WDFY3: variants seen among roughly 807,000 people sequenced by gnomAD.
WDFY3 encodes WD repeat and FYVE domain containing 3.
A neutral mutation model predicts 409.6 loss-of-function variants in WDFY3; 66 were observed. The ratio of observed to expected loss-of-function variants is 0.16; its 90% confidence interval spans 0.13 to 0.20. The LOEUF is 0.20. Among genes scored for constraint, WDFY3 ranks in the 10% least tolerant of loss-of-function variants. The probability of loss-of-function intolerance (pLI) is 1.00; values close to 1 mark genes in which losing one functional copy is unlikely to be tolerated. For missense variants in WDFY3, 3,031 were observed against 4,298.1 expected (o/e 0.71, Z 8.24); for synonymous variants, 1,521 against 1,537.1 (o/e 0.99, Z 0.25).
At chr4:84,765,002 T>C (rs1743379760) in intron 32 of WDFY3, among the ~76,000 whole-genome samples, 1 of 152,240 alleles carries the variant, frequency 6.6e-6, no homozygotes, top group African/African-American at 2.4e-5. Context: ...TCCCTATTTT[T>C]CCCATCGGAC....
chr4:84,865,692 T>G (rs1407042846), intron 3 of WDFY3, among the ~76,000 whole-genome samples: 3 of 152,192 alleles, frequency 2.0e-5, no homozygotes, highest in Non-Finnish European at 2.9e-5. Flanking sequence ...GAGCCGAGTC[T>G]CTCCCTTTCA....
chr4:84,901,637 G>A (rs1429887704), intron 2 of WDFY3, among the ~76,000 whole-genome samples: 3 of 152,150 alleles, frequency 2.0e-5, no homozygotes, highest in African/African-American at 4.8e-5. Flanking sequence ...GCATATTGGA[G>A]GGGACAATAT....
Position 84,721,559 on chromosome 4 carries a change from A to G in WDFY3, c.7455T>C (p.Pro2485=), listed in dbSNP as rs776483924. 1.2e-6 allele frequency: 2 copies of G among 1,605,610 alleles called. No homozygotes were observed. Among genetic ancestry groups the G allele is most frequent in the Non-Finnish European group, 8.5e-7 (1 of 1,179,958 alleles). The change falls in exon 47 of 68, where the codon CCT becomes CCC. Residue 2485 remains proline (P), a synonymous_variant. Transcript: ENST00000295888. The stretch of plus-strand genomic sequence containing the variant: ...GTGCAGATCGGGAGCGTTTTAGAGG[A>G]GGCTTGACCAAACCTACAGTATAAT... ...TIAKVKGLVK[P]PLKRSRSAPD...
chr4:84,726,435 AAAT>A (rs1253735013), intron 45 of WDFY3, among the ~76,000 whole-genome samples: 1 of 152,154 alleles, frequency 6.6e-6, no homozygotes, highest in Admixed American at 6.5e-5. Context: ...TGATTGAAAA[AAAT>A]AATTTTAAAA....
At chr4:84,820,702 T>C (rs112038207) in intron 11 of WDFY3, among the ~76,000 whole-genome samples, 1 of 152,096 alleles carries the variant, frequency 6.6e-6, no homozygotes, top group African/African-American at 2.4e-5. Context: ...TAAAAACACA[T>C]TGAAGTAACT....
intron 13 of WDFY3, among the ~76,000 whole-genome samples, chr4:84,811,299 G>C (rs978623584): frequency 5.3e-5 from 8 of 152,098 alleles, no homozygotes; most frequent in Admixed American, 1.3e-4. Context: ...GCCCTGGCCA[G>C]CTTATGATTT....
At chr4:84,840,915 T>C (rs1757257856) in intron 6 of WDFY3, among the ~76,000 whole-genome samples, 1 of 151,986 alleles carries the variant, frequency 6.6e-6, no homozygotes, top group Admixed American at 6.6e-5. Context: ...TTACAACATA[T>C]CGAGATGGAA....
intron 6 of WDFY3, among the ~76,000 whole-genome samples, chr4:84,840,274 G>T (rs1757142138): frequency 6.6e-6 from 1 of 152,282 alleles, no homozygotes; most frequent in African/African-American, 2.4e-5. Context: ...AATTACAGCT[G>T]ATTTGGAGGA....
chr4:84,889,163 C>A (rs143122076), intron 3 of WDFY3, among the ~76,000 whole-genome samples: 1 of 152,210 alleles, frequency 6.6e-6, no homozygotes, highest in East Asian at 1.9e-4. Flanking sequence ...ACTTTAAAAG[C>A]AATGTCTCTA....
At chr4:84,688,037 G>T in intron 62 of WDFY3, 49 bp downstream of exon 62, 1 of 1,570,000 alleles carries the variant, frequency 6.4e-7, no homozygotes. Flanking sequence ...ATTGAGTTTG[G>T]CCAAGACTAC....
intron 65 of WDFY3, among the ~76,000 whole-genome samples, chr4:84,678,524 T>C (rs187954862): frequency 5.3e-5 from 8 of 152,318 alleles, no homozygotes; most frequent in Non-Finnish European, 1.0e-4. Flanking sequence ...AAATTTTCAA[T>C]GCAAGCAGAT....
At chr4:84,870,514 C>T (rs1321033106) in intron 3 of WDFY3, among the ~76,000 whole-genome samples, 1 of 152,252 alleles carries the variant, frequency 6.6e-6, no homozygotes, top group East Asian at 1.9e-4. Flanking sequence ...TCCAGGGTTG[C>T]AATCACACTA....
chr4:84,823,831 A>C (rs911591176), intron 10 of WDFY3, among the ~76,000 whole-genome samples: 1 of 152,214 alleles, frequency 6.6e-6, no homozygotes, highest in African/African-American at 2.4e-5. Context: ...TGAATGCAAA[A>C]ATTGGACAGC....
intron 4 of WDFY3, among the ~76,000 whole-genome samples, chr4:84,857,186 CTT>C (rs1223486620): frequency 6.6e-6 from 1 of 151,962 alleles, no homozygotes; most frequent in Admixed American, 6.6e-5. Context: ...CAATTAAAAA[CTT>C]TTGAGAGAAT....
chr4:84,802,636 A>G (rs182576482), intron 16 of WDFY3, among the ~76,000 whole-genome samples: 135 of 152,336 alleles, frequency 8.9e-4, no homozygotes, highest in African/African-American at 3.1e-3. Context: ...ACTTGCTTAG[A>G]GCAATATAGC....
chr4:84,796,649 T>C lies in WDFY3; in HGVS notation c.3039A>G (p.Glu1013=), dbSNP rs769792932. Residue 1013 remains glutamate, a synonymous_variant, in exon 19 of 68, where the codon GAA becomes GAG. Coordinates refer to ENST00000295888, the MANE Select transcript of WDFY3 (RefSeq NM_014991.6). The part of the protein sequence containing the change: ...RISKSLVKSA[E]GSTVPLTRVK... Reference sequence around the variant, plus strand: ...CCCTGGTCAGGGGTACAGTACTTCCTTCCGCAGATTTTACCAGGCTCTTGC... The same window carrying C: ...CCCTGGTCAGGGGTACAGTACTTCCCTCCGCAGATTTTACCAGGCTCTTGC... 5 of 1,614,190 alleles carry C rather than the reference T, an allele frequency of 3.1e-6. No homozygotes were observed. Among genetic ancestry groups the C allele is most frequent in the Non-Finnish European group, 4.2e-6 (5 of 1,180,024 alleles).
At chr4:84,680,047 C>T (rs1727094119) in intron 64 of WDFY3, among the ~76,000 whole-genome samples, 1 of 151,912 alleles carries the variant, frequency 6.6e-6, no homozygotes, top group African/African-American at 2.4e-5. Context: ...CCCACCACCA[C>T]ACCTGGCTAA....
intron 58 of WDFY3, among the ~76,000 whole-genome samples, chr4:84,695,104 A>G (rs1382551509): frequency 2.0e-5 from 3 of 152,044 alleles, no homozygotes; most frequent in Non-Finnish European, 4.4e-5. Context: ...CACACTGTGG[A>G]GAAGTGCTGC....
chr4:84,753,706 G>A lies in WDFY3; in HGVS notation c.5730C>T (p.Tyr1910=), dbSNP rs746613633. 3.2e-6 allele frequency: 5 copies of A among 1,583,090 alleles called. No homozygotes were observed. The highest frequency in any genetic ancestry group is 4.6e-5 in the East Asian group (2 of 43,828). The change falls in exon 35 of 68, where the codon TAC becomes TAT. Residue 1910 remains tyrosine (Y), a synonymous_variant. Transcript: ENST00000295888. ...ATVFPFNIRP[Y]SEMVTDLDDE... ...CCTCCCCCTTTCCTACCATCTCTGA[G>A]TAAGGGCGAATATTGAAGGGGAAGA...
Sources: gnomAD v4.1 joint callset for allele counts (sites outside exome capture counted in the v4.1 genomes callset) on GRCh38, gnomAD v4.1.1 for gene constraint, MANE v1.5 for transcripts, NCBI Gene and HGNC (gene_info 2026-07-23, HGNC 2026-07-21) for gene names.